SLCO1A2: variants seen among roughly 807,000 people sequenced by gnomAD.
SLCO1A2 encodes OATP-1.
A neutral mutation model predicts 69.0 loss-of-function variants in SLCO1A2; 67 were observed. The ratio of observed to expected loss-of-function variants is 0.97; its 90% CI spans 0.80 to 1.19. SLCO1A2 has a LOEUF of 1.19. SLCO1A2 is among the 50% of genes most tolerant of loss of function. The pLI is 0.00. For synonymous variants in SLCO1A2, 260 were observed against 265.9 expected, an observed-to-expected ratio of 0.98 and a Z score of 0.22; for missense variants, 787 against 793.7, an observed-to-expected ratio of 0.99 and a Z score of 0.10.
intron 1 of SLCO1A2, among the ~76,000 whole-genome samples, chr12:21,390,055 T>C (rs1180824113): frequency 6.6e-6 from 1 of 151,900 alleles, no homozygotes; most frequent in East Asian, 1.9e-4. Context: ...AATAAATGTA[T>C]ACTGTTACGC....
chr12:21,280,200 A>G (rs2136163312), intron 12 of SLCO1A2, among the ~76,000 whole-genome samples: 1 of 152,280 alleles, frequency 6.6e-6, no homozygotes, highest in East Asian at 1.9e-4. Flanking sequence ...ACCAGAAAAC[A>G]AATAACAAAA....
rs1157403582 is a variant in SLCO1A2, at chr12:21,272,680, AAAC to A, written c.1793+1786_1793+1788del. Among the ~76,000 whole-genome samples, 47 of 152,218 alleles carry A rather than the reference AAAC, an allele frequency of 3.1e-4. 1 individual carries two copies. The highest frequency in any genetic ancestry group is 1.1e-3 in the African/African-American group (45 of 41,560). ...TATTTTTGATCTATCTATCTCTTAC[AAAC>A]AACATTTAGTTCAAATTTTGAAAAG... On this transcript the variant is annotated intron_variant, in intron 14 of 14. Transcript: ENST00000683939.
chr12:21,295,553 A>G (rs754125402), intron 10 of SLCO1A2, 44 bp downstream of exon 10: 2 of 1,227,604 alleles, frequency 1.6e-6, no homozygotes, highest in South Asian at 2.6e-5. Flanking sequence ...TATCATATTA[A>G]CCATTTGTTG....
At chr12:21,413,370 T>C (rs1488939716) in intron 1 of SLCO1A2, among the ~76,000 whole-genome samples, 1 of 151,214 alleles carries the variant, frequency 6.6e-6, no homozygotes, top group Non-Finnish European at 1.5e-5. Flanking sequence ...GCCTCCTGAG[T>C]AGGTGGGACT....
Position 21,352,819 on chromosome 12 carries a change from G to A in SLCO1A2, c.-62-18110C>T, listed in dbSNP as rs373140142. Among the ~76,000 whole-genome samples the A allele has an allele frequency of 1.8e-4, 28 of 152,316 alleles. No homozygotes were observed. The East Asian group carries it at 5.2e-3, about 28-fold the overall frequency. Reference sequence around the variant, plus strand: ...CATTGTTTGGTTGATTGTTCTTGTAGGAACTGGGGGAAGTACATAAGGTGT... The same window carrying A: ...CATTGTTTGGTTGATTGTTCTTGTAAGAACTGGGGGAAGTACATAAGGTGT... On this transcript the variant is annotated intron_variant, in intron 2 of 15. Transcript: ENST00000307378.
chr12:21,400,240 A>G (rs1303256943), upstream of SLCO1A2, among the ~76,000 whole-genome samples: 2 of 152,350 alleles, frequency 1.3e-5, no homozygotes, highest in Middle Eastern at 3.4e-3. Flanking sequence ...ACTTCTCAAA[A>G]GAAGACATTT....
intron 1 of SLCO1A2, among the ~76,000 whole-genome samples, chr12:21,402,296 G>A (rs774334237): frequency 1.1e-4 from 16 of 151,926 alleles, no homozygotes; most frequent in Non-Finnish European, 2.4e-4. Context: ...TAACCCTAAT[G>A]TAAAATAGAG....
At position 21,301,256 on chromosome 12, in the gene SLCO1A2, T is replaced by C. The variant is rs1396837316; in HGVS notation, c.603A>G (p.Thr201=). The change falls in exon 7 of 15, where the codon ACA becomes ACG. Residue 201 remains threonine (T), a synonymous_variant. Transcript: ENST00000683939. The part of the protein sequence containing the change: ...NSPLYIGLVE[T]GAIIGPLIGL... Reference sequence around the variant, plus strand: ...CAATCAAAGGACCAATAATAGCTCCTGTTTCTACAAGCCCTAAAAATAAAT... The same window carrying C: ...CAATCAAAGGACCAATAATAGCTCCCGTTTCTACAAGCCCTAAAAATAAAT... The C allele has an allele frequency of 1.2e-6, 2 of 1,610,576 alleles. No individual in the cohort carries two copies. Among genetic ancestry groups the C allele is most frequent in the African/African-American group, 1.3e-5 (1 of 74,840 alleles).
chr12:21,285,627 G>A (rs1220972194), intron 12 of SLCO1A2, among the ~76,000 whole-genome samples: 10 of 135,548 alleles, frequency 7.4e-5, no homozygotes, highest in African/African-American at 2.0e-4. Flanking sequence ...CTGGCAAACC[G>A]AATCCAGCAG....
At chr12:21,282,965 T>A (rs1381498125) in intron 12 of SLCO1A2, among the ~76,000 whole-genome samples, 1 of 152,098 alleles carries the variant, frequency 6.6e-6, no homozygotes, top group Non-Finnish European at 1.5e-5. Flanking sequence ...GCTCATAAAT[T>A]GAAAGAAACA....
rs1052783765 is a variant in SLCO1A2 at position 21,331,280 on chromosome 12, C to A, written c.60+3308G>T. Among the ~76,000 whole-genome samples, 9 of 151,696 alleles carry A rather than the reference C, an allele frequency of 5.9e-5. No individual in the cohort carries two copies. In the East Asian group the frequency reaches 1.7e-3, roughly 29 times the overall value. ...TCTCTAGATTTTTTTTGGTACCAGA[C>A]AGTGAAGGGGGAAGGAGAAATAGTG... is the stretch of plus-strand genomic sequence containing the variant. On this transcript the variant is annotated intron_variant, in intron 2 of 14. Transcript: ENST00000683939.
intron 4 of SLCO1A2, 137 bp downstream of exon 4, chr12:21,314,412 G>A (rs41275206): frequency 0.019 from 17,449 of 896,268 alleles, 366 homozygotes; most frequent in Admixed American, 0.089. Context: ...TAGACAGATG[G>A]AACAGAATGT....
At position 21,373,508 on chromosome 12, in the gene SLCO1A2, AC is replaced by A. The variant is rs1329332327; in HGVS notation, c.-63+890del. 39 of 953,420 alleles carry A rather than the reference AC, an allele frequency of 4.1e-5. No homozygotes were observed. The Admixed American group carries it at 6.7e-4, about 16-fold the overall frequency. The allele number at this position is 953,420 out of a possible 1,614,324, so 59.1% of individuals were successfully genotyped here. A position where few individuals can be genotyped will look rare whatever the true frequency, so the allele number is the denominator to read the frequency against. On this transcript the variant is annotated intron_variant, in intron 2 of 15. Transcript: ENST00000307378. ...AATTAGAATTAAATACTGTCAAATA[AC>A]TACAGCCTTAGATTTCTGACTATAT...
At position 21,318,709 on chromosome 12, in the gene SLCO1A2, G is replaced by A. The variant is rs1274701814; in HGVS notation, c.202+73C>T. 19 of 1,321,194 alleles carry A rather than the reference G, an allele frequency of 1.4e-5. No individual in the cohort carries two copies. In the South Asian group the frequency reaches 1.8e-4, roughly 13 times the overall value. 81.8% of individuals were successfully genotyped at this position (1,321,194 alleles called of 1,614,324 possible). On this transcript the variant is annotated intron_variant, in intron 3 of 14. Coordinates refer to ENST00000683939, the MANE Select transcript of SLCO1A2 (RefSeq NM_001386879.1). ...TAAATGACCTAAAACAGCAAATAAG[G>A]AGAATAAAATTCAGACTAGCTCCAC...
At chr12:21,321,105 T>C (rs900555570) in intron 2 of SLCO1A2, among the ~76,000 whole-genome samples, 1 of 152,190 alleles carries the variant, frequency 6.6e-6, no homozygotes, top group Non-Finnish European at 1.5e-5. Context: ...CCACAAGCTA[T>C]GTCTGAATTA....
At position 21,301,219 on chromosome 12, in the gene SLCO1A2, C is replaced by A. The variant is rs868190310; in HGVS notation, c.640G>T (p.Ala214Ser). ...IIGPLIGLLL[A>S]SFCANVYVDT... ...ACATAAACATTTGCACAGAATGATG[C>A]CAACAAAAGTCCAATCAAAGGACCA... is the stretch of plus-strand genomic sequence containing the variant. Residue 214 changes from alanine to serine, a missense_variant, in exon 7 of 15, where the codon GCA (alanine) becomes TCA (serine). Coordinates refer to ENST00000683939, the MANE Select transcript of SLCO1A2 (RefSeq NM_001386879.1). 2 of 1,612,418 alleles carry A rather than the reference C, an allele frequency of 1.2e-6. No homozygotes were observed. Among genetic ancestry groups the A allele is most frequent in the Non-Finnish European group, 1.7e-6 (2 of 1,179,378 alleles).
At chr12:21,387,166 C>T (rs1381663793) in intron 1 of SLCO1A2, among the ~76,000 whole-genome samples, 1 of 152,146 alleles carries the variant, frequency 6.6e-6, no homozygotes, top group Admixed American at 6.5e-5. Context: ...CAAGAGATGA[C>T]AGAGCATAAA....
intron 2 of SLCO1A2, among the ~76,000 whole-genome samples, chr12:21,350,472 AAAG>A (rs1453147177): frequency 6.6e-6 from 1 of 152,210 alleles, no homozygotes; most frequent in Admixed American, 6.5e-5. Context: ...TTCTTTAAAA[AAAG>A]GCACACACAA....
chr12:21,389,049 G>T (rs187156633), intron 1 of SLCO1A2, among the ~76,000 whole-genome samples: 92 of 152,224 alleles, frequency 6.0e-4, no homozygotes, highest in Non-Finnish European at 1.6e-4. Context: ...CACATCTGTG[G>T]TACATGTTGC....
Sources: gnomAD v4.1 joint callset for allele counts (sites outside exome capture counted in the v4.1 genomes callset) on GRCh38, gnomAD v4.1.1 for gene constraint, MANE v1.5 for transcripts, NCBI Gene and HGNC (gene_info 2026-07-23, HGNC 2026-07-21) for gene names.